RIMS4: variants seen among roughly 807,000 people sequenced by gnomAD.
RIMS4 encodes regulating synaptic membrane exocytosis protein 4.
RIMS4 carries 9 observed loss-of-function variants against 29.0 expected under a neutral mutation model. The observed-to-expected ratio is 0.31, with a 90% CI of 0.19 to 0.54. The LOEUF (loss-of-function observed/expected upper bound fraction) is 0.54. Ranked by LOEUF, RIMS4 falls within the 20% of genes least tolerant of loss-of-function variation. The probability of loss-of-function intolerance (pLI) is 0.94; values close to 1 mark genes in which losing one functional copy is unlikely to be tolerated. For synonymous variants in RIMS4, 130 were observed against 152.9 expected (o/e 0.85, Z 1.10); for missense variants, 193 against 365.7 (o/e 0.53, Z 3.85).
rs2066067517 is a variant in RIMS4 at position 44,757,863 on chromosome 20, C to T, written c.350-92G>A. The T allele has an allele frequency of 5.1e-6, 6 of 1,182,498 alleles. No individual in the cohort carries two copies. The South Asian group carries it at 7.4e-5, about 15-fold the overall frequency. The allele number at this position is 1,182,498 out of a possible 1,614,324, so 73.3% of individuals were successfully genotyped here. On this transcript the variant is annotated intron_variant, in intron 3 of 5. Transcript: ENST00000372851. ...CTCCTTTACTTAGGGCTGAAACCCC[C>T]TTCCCCTGCTCCCAGCCCAGAATAA... is the stretch of plus-strand genomic sequence containing the variant.
At chr20:44,766,240 C>T (rs909453782) in intron 2 of RIMS4, among the ~76,000 whole-genome samples, 7 of 152,316 alleles carry the variant, frequency 4.6e-5, no homozygotes, top group Admixed American at 2.0e-4. Flanking sequence ...CTTCTCAACA[C>T]AGCACTCCAG....
At chr20:44,759,686 C>T (rs2066075939) in intron 2 of RIMS4, among the ~76,000 whole-genome samples, 1 of 152,232 alleles carries the variant, frequency 6.6e-6, no homozygotes. Context: ...CCAAGCCAGG[C>T]CAATCAAAAC....
chr20:44,779,907 G>C (rs149671650), intron 1 of RIMS4, among the ~76,000 whole-genome samples: 44 of 152,256 alleles, frequency 2.9e-4, no homozygotes, highest in East Asian at 5.8e-4. Flanking sequence ...CTAAAGATTG[G>C]AAGATTTTGA....
rs549475029 is a variant in RIMS4, at chr20:44,783,360, C to T, written c.98-11947G>A. ...GTACTGGGCCGGGCATGGTGGCTCA[C>T]GCCTATAATCCCAGCACTTTGGGAG... On this transcript the variant is annotated intron_variant, in intron 1 of 5. Transcript: ENST00000372851. 3.4e-4 allele frequency among the ~76,000 whole-genome samples: 52 copies of T among 152,290 alleles called. 1 individual carries two copies. In the East Asian group the frequency reaches 8.9e-3, roughly 26 times the overall value.
chr20:44,771,455 AGGT>A, intron 1 of RIMS4, 42 bp from the exon 2 acceptor site: 1 of 1,584,800 alleles, frequency 6.3e-7, no homozygotes, highest in Non-Finnish European at 8.6e-7. Context: ...AGAGAGACAC[AGGT>A]GGGAGGGGGA....
At chr20:44,776,129 A>G (rs1213008058) in intron 1 of RIMS4, among the ~76,000 whole-genome samples, 1 of 152,068 alleles carries the variant, frequency 6.6e-6, no homozygotes, top group Non-Finnish European at 1.5e-5. Flanking sequence ...GAAAAAATAC[A>G]AAAATTAGCC....
At chr20:44,804,764 C>A (rs979296660) in intron 1 of RIMS4, among the ~76,000 whole-genome samples, 3 of 152,150 alleles carry the variant, frequency 2.0e-5, no homozygotes, top group Admixed American at 6.5e-5. Context: ...GGACCTCTCT[C>A]CCCCTTCCCA....
rs1301499476 is a variant in RIMS4 at position 44,754,150 on chromosome 20, C to T, written c.*1984G>A. 1 of 152,270 alleles carries T rather than the reference C, an allele frequency of 6.6e-6. No homozygotes were observed. The highest frequency in any genetic ancestry group is 2.4e-5 in the African/African-American group (1 of 41,442). The allele number at this position is 152,270 out of a possible 1,614,324, so 9.4% of individuals were successfully genotyped here. ...AACAGGCAAGGGGCCAATTCTGTGC[C>T]TTGAATGCGAATCCCTCCAGAGCCC... is the stretch of plus-strand genomic sequence containing the variant. On this transcript the variant is annotated 3_prime_UTR_variant, in exon 6 of 6. Coordinates refer to ENST00000372851, the MANE Select transcript of RIMS4 (RefSeq NM_182970.4).
At chr20:44,758,737 C>A (rs1404339258) in intron 2 of RIMS4, among the ~76,000 whole-genome samples, 1 of 152,194 alleles carries the variant, frequency 6.6e-6, no homozygotes, top group Non-Finnish European at 1.5e-5. Flanking sequence ...CAGAGACAGG[C>A]ATGTAGCCCA....
rs201733075 is a variant in RIMS4 at position 44,758,154 on chromosome 20, C to T, written c.267G>A (p.Ser89=). Residue 89 remains serine (S), a synonymous_variant, in exon 3 of 6, where the codon TCG becomes TCA. Transcript: ENST00000372851. ...CCAGGAAGTCACTGAACTGGGCGTC[C>T]GACGCCAGGCAAACTCCTCCATAGT... ...NLNYGGVCLA[S]DAQFSDFLGS... is the part of the protein sequence containing the mutation. The T allele has an allele frequency of 1.1e-4, 175 of 1,613,474 alleles. 1 individual carries two copies. The highest frequency in any genetic ancestry group is 7.9e-4 in the African/African-American group (59 of 75,044).
chr20:44,758,337 G>A (rs987394899), intron 2 of RIMS4, among the ~76,000 whole-genome samples, 153 bp from the exon 3 acceptor site: 3 of 152,230 alleles, frequency 2.0e-5, no homozygotes, highest in African/African-American at 4.8e-5. Flanking sequence ...ATGTGGTTTA[G>A]TGCCTTGATA....
rs1383733506 is a variant in RIMS4, at chr20:44,756,904, G to T, written c.585C>A (p.Val195=). Residue 195 remains valine (V), a synonymous_variant, in exon 5 of 6, where the codon GTC becomes GTA. Transcript: ENST00000372851. The surrounding 1 kb of genome is among the most constrained non-coding windows in gnomAD (Gnocchi z 5.9). ...GCGCGTCAATGCCCCTCACCTGGAG[G>T]ACTTTGCCCTGGGGACTCTCAGGAA... is the stretch of plus-strand genomic sequence containing the variant. ...LLFPESPQGK[V]LQVIVWGNYG... The T allele has an allele frequency of 1.2e-6, 2 of 1,613,808 alleles. No individual in the cohort carries two copies. The highest frequency in any genetic ancestry group is 1.7e-6 in the Non-Finnish European group (2 of 1,179,920).
At chr20:44,780,035 A>G (rs1296156933) in intron 1 of RIMS4, among the ~76,000 whole-genome samples, 3 of 152,228 alleles carry the variant, frequency 2.0e-5, no homozygotes, top group African/African-American at 4.8e-5. Context: ...CCAGAACAGG[A>G]CAGGAAGGAG....
Position 44,760,596 on chromosome 20 carries a change from G to A in RIMS4, c.237-2412C>T, listed in dbSNP as rs544069726. On this transcript the variant is annotated intron_variant, in intron 2 of 5. Coordinates refer to ENST00000372851, the MANE Select transcript of RIMS4 (RefSeq NM_182970.4). Reference sequence around the variant, plus strand: ...GCAGACCACACACTCTGTCCCCAGTGTCTGAGCACCACAATAATAGCAGCC... The same window carrying A: ...GCAGACCACACACTCTGTCCCCAGTATCTGAGCACCACAATAATAGCAGCC... Among the ~76,000 whole-genome samples the A allele has an allele frequency of 3.9e-5, 6 of 152,292 alleles. No individual in the cohort carries two copies. In the East Asian group the frequency reaches 1.2e-3, roughly 29 times the overall value.
chr20:44,769,936 G>A (rs1053231626), intron 2 of RIMS4, among the ~76,000 whole-genome samples: 1 of 152,234 alleles, frequency 6.6e-6, no homozygotes, highest in Non-Finnish European at 1.5e-5. Context: ...TTTCTATGAT[G>A]ATGGAAATGT....
chr20:44,775,806 C>T (rs1213759398), intron 1 of RIMS4, among the ~76,000 whole-genome samples: 3 of 152,206 alleles, frequency 2.0e-5, no homozygotes, highest in South Asian at 2.1e-4. Context: ...CACAGGTGGG[C>T]TCCCGCATCA....
chr20:44,778,948 G>A (rs780955895), intron 1 of RIMS4, among the ~76,000 whole-genome samples: 8 of 152,142 alleles, frequency 5.3e-5, no homozygotes, highest in Non-Finnish European at 7.3e-5. Flanking sequence ...TCTACTCAGT[G>A]GCCTGCCTGA....
chr20:44,757,302 C>T (rs980098607), intron 4 of RIMS4, among the ~76,000 whole-genome samples: 1 of 152,044 alleles, frequency 6.6e-6, no homozygotes, highest in Non-Finnish European at 1.5e-5. Context: ...TGTTTCCTCT[C>T]TCAGTCCATA....
chr20:44,773,997 C>T (rs1248877273), intron 1 of RIMS4, among the ~76,000 whole-genome samples: 1 of 152,214 alleles, frequency 6.6e-6, no homozygotes, highest in African/African-American at 2.4e-5. Flanking sequence ...TGCCAACTGT[C>T]TTGCTGACAC....
Sources: gnomAD v4.1 joint callset for allele counts (sites outside exome capture counted in the v4.1 genomes callset) on GRCh38, gnomAD v4.1.1 for gene constraint, Gnocchi (gnomAD v3.1) non-coding constraint, MANE v1.5 for transcripts, NCBI Gene and HGNC (gene_info 2026-07-23, HGNC 2026-07-21) for gene names.